BRF1: variants seen among roughly 807,000 people sequenced by gnomAD.
The protein encoded by BRF1 is transcription factor IIIB 90 kDa subunit.
BRF1 carries 59 observed loss-of-function variants against 81.7 expected under a neutral mutation model. The ratio of observed to expected loss-of-function variants is 0.72; its 90% CI spans 0.59 to 0.90. The LOEUF is 0.90. Among genes scored for constraint, BRF1 ranks in the 40% least tolerant of loss-of-function variants. The pLI, the probability that BRF1 is intolerant of heterozygous loss-of-function variation, is 0.00. For missense variants in BRF1, 1,050 were observed against 936.3 expected, an observed-to-expected ratio of 1.12 and a Z score of -1.58; for synonymous variants, 491 against 395.6, an observed-to-expected ratio of 1.24 and a Z score of -2.86.
intron 1 of BRF1, among the ~76,000 whole-genome samples, chr14:105,306,616 T>G (rs587735063): frequency 2.7e-5 from 4 of 149,484 alleles, no homozygotes; most frequent in South Asian, 2.1e-4. Flanking sequence ...TTTTTGGGGG[T>G]TTTTTTTGAG....
At chr14:105,252,645 T>C (rs1444980988) in intron 4 of BRF1, 66 bp from the exon 5 acceptor site, 1 of 1,518,600 alleles carries the variant, frequency 6.6e-7, no homozygotes, top group Non-Finnish European at 9.0e-7. Context: ...TTTTTTTCTC[T>C]TAAAATGCAT....
chr14:105,304,493 TAAATA>T (rs60177512), upstream of BRF1, among the ~76,000 whole-genome samples: 19 of 151,900 alleles, frequency 1.3e-4, no homozygotes, highest in Admixed American at 2.6e-4. Context: ...CATCTCACAA[TAAATA>T]AAATAAAATA....
Position 105,241,311 on chromosome 14 carries a change from C to T in BRF1, c.648G>A (p.Arg216=), listed in dbSNP as rs2054616020. 8 of 1,612,578 alleles carry T rather than the reference C, an allele frequency of 5.0e-6. No homozygotes were observed. Among genetic ancestry groups the T allele is most frequent in the Admixed American group, 3.3e-5 (2 of 59,992 alleles). ...GGCGCCGGCCTGTGTGCATCCAGTC[C>T]CGCTTCATCCTCTGTAGGAGCCTCA... ...TALRLLQRMK[R]DWMHTGRRPS... is the part of the protein sequence containing the mutation. The change falls in exon 6 of 18, where the codon CGG becomes CGA. Residue 216 remains arginine (R), a synonymous_variant. Coordinates refer to ENST00000547530, the MANE Select transcript of BRF1 (RefSeq NM_001519.4).
chr14:105,253,605 TAGAGGCAAGAGAC>T lies in BRF1; in HGVS notation c.472-1039_472-1027del, dbSNP rs2055724936. On this transcript the variant is annotated intron_variant, in intron 4 of 17. Transcript: ENST00000547530. ...CGCACACAAAGGGTCCTGTCTGCGC[TAGAGGCAAGAGAC>T]AGAGGCAAGAGCCAGAGGCAGCGCT... 2.0e-5 allele frequency among the ~76,000 whole-genome samples: 3 copies of T among 152,298 alleles called. No homozygotes were observed. The South Asian group carries it at 6.2e-4, about 32-fold the overall frequency.
intron 5 of BRF1, chr14:105,249,994 C>T (rs1440606357): frequency 1.2e-6 from 2 of 1,612,680 alleles, no homozygotes; most frequent in African/African-American, 2.7e-5. Context: ...AGGCGGAGTG[C>T]AAGAGGCAGG....
At chr14:105,273,114 T>C (rs759802293) in intron 2 of BRF1, among the ~76,000 whole-genome samples, 2 of 152,216 alleles carry the variant, frequency 1.3e-5, no homozygotes, top group Non-Finnish European at 2.9e-5. Context: ...GTTCTACCTG[T>C]TTCCCTTCTT....
At chr14:105,305,860 C>T (rs1345466767), upstream of BRF1, among the ~76,000 whole-genome samples, 3 of 152,268 alleles carry the variant, frequency 2.0e-5, no homozygotes, top group East Asian at 5.8e-4. Flanking sequence ...TGCCCAGGGT[C>T]CTCTGTACTC....
chr14:105,284,854 G>A lies in BRF1; in HGVS notation c.265+1442C>T, dbSNP rs1052241402. Among the ~76,000 whole-genome samples the A allele has an allele frequency of 7.2e-5, 11 of 152,112 alleles. No homozygotes were observed. The highest frequency in any genetic ancestry group is 6.5e-4 in the Admixed American group (10 of 15,282). ...AGGAAAGATAACACGATCTTGTACCGAAAATCCTAAGTGATCCGCTAAAAA... is the reference window on the plus strand; with the variant it reads ...AGGAAAGATAACACGATCTTGTACCAAAAATCCTAAGTGATCCGCTAAAAA... On this transcript the variant is annotated intron_variant, in intron 2 of 17. Coordinates refer to ENST00000547530, the MANE Select transcript of BRF1 (RefSeq NM_001519.4). The surrounding 1 kb of genome is among the most constrained non-coding windows in gnomAD (Gnocchi z 4.0).
intron 5 of BRF1, 89 bp downstream of exon 5, chr14:105,252,418 G>T: frequency 6.6e-6 from 10 of 1,521,864 alleles, no homozygotes; most frequent in Non-Finnish European, 8.8e-6. Flanking sequence ...TGCTTGGACA[G>T]GATTTCCCTC....
chr14:105,246,286 A>AC (rs1390085974), intron 5 of BRF1, among the ~76,000 whole-genome samples: 1 of 152,192 alleles, frequency 6.6e-6, no homozygotes, highest in Non-Finnish European at 1.5e-5. Flanking sequence ...GCCAACAAGC[A>AC]CATGAGTAGA....
In BRF1 at chr14:105,251,493, C is replaced by T. The variant is rs368150886; in HGVS notation, c.544+1014G>A. Among the ~76,000 whole-genome samples the T allele has an allele frequency of 5.9e-5, 9 of 152,318 alleles. No homozygotes were observed. In the East Asian group the frequency reaches 1.7e-3, roughly 29 times the overall value. ...AGGCTCTCCCACCCCTTGTCTCTCTCCTCCCACTCTGCATACCCTGTAGGC... is the reference window on the plus strand; with the variant it reads ...AGGCTCTCCCACCCCTTGTCTCTCTTCTCCCACTCTGCATACCCTGTAGGC... On this transcript the variant is annotated intron_variant, in intron 5 of 17. Transcript: ENST00000547530.
intron 5 of BRF1, among the ~76,000 whole-genome samples, chr14:105,244,762 G>A (rs56828582): frequency 7.2e-5 from 11 of 152,144 alleles, no homozygotes; most frequent in African/African-American, 2.2e-4. Flanking sequence ...ACTAAGGGAC[G>A]ACTTAAGACA....
At chr14:105,226,914 G>C (rs918106793) in intron 7 of BRF1, 154 bp from the exon 8 acceptor site, 4 of 1,060,122 alleles carry the variant, frequency 3.8e-6, no homozygotes, top group South Asian at 1.5e-5. Flanking sequence ...TTTGAGACCA[G>C]CCTAGGCAAC....
At position 105,215,298 on chromosome 14, in the gene BRF1, G is replaced by A. The variant is rs146317978; in HGVS notation, c.1772+2246C>T. Among the ~76,000 whole-genome samples, 1,017 of 152,038 alleles carry A rather than the reference G, an allele frequency of 6.7e-3. 5 individuals are homozygous for A. Among genetic ancestry groups the A allele is most frequent in the Non-Finnish European group, 0.011 (736 of 67,970 alleles). ...CACGTGTACATAGAGACAAAGACCT[G>A]CACACCACAATCTGTAGACATACAG... On this transcript the variant is annotated intron_variant, in intron 15 of 17. Transcript: ENST00000547530.
In BRF1 at chr14:105,210,710, C is replaced by A; in HGVS notation, c.1997-122G>T. On this transcript the variant is annotated intron_variant, in intron 17 of 17. Coordinates refer to ENST00000547530, the MANE Select transcript of BRF1 (RefSeq NM_001519.4). This position sits in a 1 kb window ranked among gnomAD's most constrained non-coding sequence, Gnocchi z 4.7. Reference sequence around the variant, plus strand: ...TCAGGCTCCAGCCCCAGCCCCAGCCCCCCGCGCCCCGCCAGGAGCCATCTT... The same window carrying A: ...TCAGGCTCCAGCCCCAGCCCCAGCCACCCGCGCCCCGCCAGGAGCCATCTT... 2 of 1,117,130 alleles carry A rather than the reference C, an allele frequency of 1.8e-6. No homozygotes were observed. Among genetic ancestry groups the A allele is most frequent in the Non-Finnish European group, 2.6e-6 (2 of 781,728 alleles). The allele number at this position is 1,117,130 out of a possible 1,614,324, so 69.2% of individuals were successfully genotyped here.
chr14:105,258,987 GA>G (rs1396708446), intron 3 of BRF1, among the ~76,000 whole-genome samples: 1 of 152,196 alleles, frequency 6.6e-6, no homozygotes, highest in African/African-American at 2.4e-5. Context: ...CGACGTCACT[GA>G]ATGCCGGCGA....
At chr14:105,288,227 G>T (rs1284990954) in intron 1 of BRF1, among the ~76,000 whole-genome samples, 1 of 152,162 alleles carries the variant, frequency 6.6e-6, no homozygotes, top group East Asian at 1.9e-4. Context: ...GGCCGAGGTG[G>T]GTGGATCACG....
At chr14:105,212,888 C>T (rs1157650253) in intron 15 of BRF1, 1 of 152,272 alleles carries the variant, frequency 6.6e-6, no homozygotes. Flanking sequence ...TCAGATGAAC[C>T]CTCGGGACAC....
chr14:105,286,728 T>A (rs2057328492), intron 1 of BRF1, among the ~76,000 whole-genome samples: 1 of 152,094 alleles, frequency 6.6e-6, no homozygotes, highest in East Asian at 1.9e-4. Flanking sequence ...GCCTCAGCCT[T>A]CCAAGTAGCT....
Sources: allele counts gnomAD v4.1 joint callset (sites outside exome capture counted in the v4.1 genomes callset), GRCh38; gene constraint gnomAD v4.1.1; non-coding constraint Gnocchi (gnomAD v3.1); transcripts MANE v1.5; gene names NCBI Gene and HGNC (gene_info 2026-07-23, HGNC 2026-07-21).